The following RELN variants were observed in gnomAD, a reference collection of about 807,000 sequenced individuals.
RELN encodes reelin.
RELN carries 108 observed loss-of-function variants against 427.6 expected under a neutral mutation model. That is an observed-to-expected ratio of 0.25 (90% CI 0.22 to 0.30). The LOEUF is 0.30. RELN is among the 10% of genes least tolerant of loss of function. RELN has a pLI of 1.00. For synonymous variants in RELN, 1,524 were observed against 1,513.4 expected (o/e 1.01, Z -0.16); for missense variants, 3,715 against 4,302.8 (o/e 0.86, Z 3.82).
chr7:103,749,042 A>G (rs765897829), intron 6 of RELN, among the ~76,000 whole-genome samples: 9 of 152,080 alleles, frequency 5.9e-5, no homozygotes, highest in Non-Finnish European at 1.3e-4. Context: ...TAATGAGTTG[A>G]CCTAATAATT....
chr7:103,472,963 G>A, intron 64 of RELN, 55 bp from the exon 65 acceptor site: 1 of 1,351,892 alleles, frequency 7.4e-7, no homozygotes, highest in Non-Finnish European at 1.1e-6. Flanking sequence ...GAGCATGTAA[G>A]TCCCATCATT....
At chr7:103,731,918 A>C (rs12538673) in intron 6 of RELN, among the ~76,000 whole-genome samples, 50,221 of 151,882 alleles carry the variant, frequency 0.33, 8,474 homozygotes, top group East Asian at 0.44. Context: ...ATTAATTACA[A>C]TGTTTACATT....
rs140657182 is a variant in RELN at position 103,664,232 on chromosome 7, G to A, written c.1290-2705C>T. On this transcript the variant is annotated intron_variant, in intron 11 of 64. Transcript: ENST00000428762. Reference sequence around the variant, plus strand: ...CCATAAACTTTTGATAGACATTTAGGTCATTTCTATCTTTTTTGTTATTAT... The same window carrying A: ...CCATAAACTTTTGATAGACATTTAGATCATTTCTATCTTTTTTGTTATTAT... Among the ~76,000 whole-genome samples the A allele has an allele frequency of 7.4e-3, 1,129 of 152,298 alleles. 8 individuals carry two copies. Among genetic ancestry groups the A allele is most frequent in the Non-Finnish European group, 0.011 (747 of 68,014 alleles).
At chr7:103,616,366 T>C (rs146280078) in intron 20 of RELN, among the ~76,000 whole-genome samples, 297 of 152,268 alleles carry the variant, frequency 2.0e-3, no homozygotes, top group African/African-American at 6.8e-3. Context: ...TATGTTCTTG[T>C]AATCATCAAA....
chr7:103,569,192 A>G lies in RELN; in HGVS notation c.4589-2433T>C, dbSNP rs1288049309. Among the ~76,000 whole-genome samples, 1 of 152,244 alleles carries G rather than the reference A, an allele frequency of 6.6e-6. No homozygotes were observed. The highest frequency in any genetic ancestry group is 2.4e-5 in the African/African-American group (1 of 41,460). On this transcript the variant is annotated intron_variant, in intron 31 of 64. Coordinates refer to ENST00000428762, the MANE Select transcript of RELN (RefSeq NM_005045.4). This position sits in a 1 kb window ranked among gnomAD's most constrained non-coding sequence, Gnocchi z 4.0. The stretch of plus-strand genomic sequence containing the variant: ...TTTAGTAAGGACATTCAAGCAGCCT[A>G]TGGACAGGTCTACAGAGTGAGAAAC...
At chr7:103,970,913 T>C (rs73183793) in intron 1 of RELN, among the ~76,000 whole-genome samples, 25,009 of 152,036 alleles carry the variant, frequency 0.16, 2,128 homozygotes, top group Middle Eastern at 0.29. Context: ...CCCAGCACTT[T>C]GGGAAGTTGA....
chr7:103,742,926 T>G (rs1221371656), intron 6 of RELN, among the ~76,000 whole-genome samples: 2 of 151,716 alleles, frequency 1.3e-5, no homozygotes, highest in South Asian at 2.1e-4. Context: ...ACAAAGATAC[T>G]CCTCGAGAAG....
At chr7:103,957,851 C>A (rs997929536) in intron 1 of RELN, among the ~76,000 whole-genome samples, 1 of 152,160 alleles carries the variant, frequency 6.6e-6, no homozygotes, top group African/African-American at 2.4e-5. Flanking sequence ...GAAGGCAAAG[C>A]ATGTACCTTA....
chr7:103,959,704 T>C lies in RELN; in HGVS notation c.226+29427A>G, dbSNP rs144117149. Among the ~76,000 whole-genome samples, 6 of 152,130 alleles carry C rather than the reference T, an allele frequency of 3.9e-5. No individual in the cohort carries two copies. In the East Asian group the frequency reaches 1.2e-3, roughly 30 times the overall value. On this transcript the variant is annotated intron_variant, in intron 1 of 64. Transcript: ENST00000428762. ...CGGCTCACTGCAGCTTAAACCTCCC[T>C]AGCTCACGTGATCCTCTTGCCTCAG...
chr7:103,889,444 A>C (rs1794796685), intron 2 of RELN, among the ~76,000 whole-genome samples: 1 of 152,338 alleles, frequency 6.6e-6, no homozygotes, highest in South Asian at 2.1e-4. Flanking sequence ...TGCATAACTC[A>C]CGGAAAGTGT....
At chr7:103,510,657 T>G (rs556074270) in intron 51 of RELN, among the ~76,000 whole-genome samples, 194 bp downstream of exon 51, 18 of 152,206 alleles carry the variant, frequency 1.2e-4, no homozygotes, top group African/African-American at 4.3e-4. Flanking sequence ...AAGTTTCAAC[T>G]TGAAATAGTT....
chr7:103,854,556 A>T lies in RELN; in HGVS notation c.338-20884T>A, dbSNP rs1374279081. 3.3e-5 allele frequency among the ~76,000 whole-genome samples: 5 copies of T among 152,200 alleles called. No individual in the cohort carries two copies. In the East Asian group the frequency reaches 9.6e-4, roughly 29 times the overall value. ...GACTTCATCAGGTCAGGGATGAATT[A>T]AGGGATTAAGAGACTTAGTATGAAA... On this transcript the variant is annotated intron_variant, in intron 2 of 64. Transcript: ENST00000428762.
chr7:103,500,788 G>A lies in RELN; in HGVS notation c.8624C>T (p.Pro2875Leu), dbSNP rs761738403. 26 of 1,613,914 alleles carry A rather than the reference G, an allele frequency of 1.6e-5. No homozygotes were observed. The highest frequency in any genetic ancestry group is 1.1e-4 in the African/African-American group (8 of 74,876). ...DCLREQCICD[P>L]GYSGPNCYLT... ...GTAGCAGTTTGGCCCTGAGTATCCC[G>A]GATCACAGATGCACTGTTCCCTTAA... is the stretch of plus-strand genomic sequence containing the variant. The change falls in exon 53 of 65, where the codon CCG becomes CTG. Residue 2875 changes from proline to leucine, a missense_variant. Physicochemically the swap from Pro to Leu is moderately conservative, Grantham distance 98. Around this residue, in one of 4 missense-constraint regions of RELN, gnomAD observed 1,310 missense variants for 1,643.0 expected, o/e 0.80. Transcript: ENST00000428762.
intron 16 of RELN, among the ~76,000 whole-genome samples, chr7:103,643,281 C>G (rs1832730433): frequency 6.6e-6 from 1 of 152,050 alleles, no homozygotes; most frequent in Admixed American, 6.6e-5. Flanking sequence ...TCTCTTTCTC[C>G]CTTTCTACTT....
chr7:103,534,473 TTTTA>T (rs1264796057), intron 46 of RELN, among the ~76,000 whole-genome samples: 1 of 140,174 alleles, frequency 7.1e-6, no homozygotes, highest in African/African-American at 2.6e-5. Flanking sequence ...TACTAGGCAA[TTTTA>T]TTTACTTTAA....
chr7:103,694,851 G>T (rs1833945175), intron 10 of RELN, among the ~76,000 whole-genome samples: 1 of 149,816 alleles, frequency 6.7e-6, no homozygotes, highest in Non-Finnish European at 1.5e-5. Context: ...TTTTTGTAGA[G>T]ACAGGGTCTC....
chr7:103,761,632 G>C (rs78158262), intron 4 of RELN, among the ~76,000 whole-genome samples: 2,369 of 151,586 alleles, frequency 0.016, 70 homozygotes, highest in African/African-American at 0.053. Context: ...TTTTTTTGGG[G>C]GGGGGTAGAG....
intron 57 of RELN, among the ~76,000 whole-genome samples, chr7:103,493,169 GA>G (rs1828724438): frequency 6.6e-6 from 1 of 152,178 alleles, no homozygotes; most frequent in Non-Finnish European, 1.5e-5. Context: ...GATTGGGAGT[GA>G]AAAGAGTACT....
chr7:103,775,089 C>T (rs529727714), intron 4 of RELN, among the ~76,000 whole-genome samples: 106 of 152,106 alleles, frequency 7.0e-4, no homozygotes, highest in African/African-American at 2.5e-3. Flanking sequence ...AGTTTTTAGA[C>T]AATGGTAAAT....
Sources: allele counts gnomAD v4.1 joint callset (sites outside exome capture counted in the v4.1 genomes callset), GRCh38; gene constraint gnomAD v4.1.1; regional missense constraint gnomAD v4.1.1; non-coding constraint Gnocchi (gnomAD v3.1); transcripts MANE v1.5; gene names NCBI Gene and HGNC (gene_info 2026-07-23, HGNC 2026-07-21).